The following MYO1D variants were observed in gnomAD, a reference collection of about 807,000 sequenced individuals.
MYO1D encodes the protein myosin ID, also known as unconventional myosin-Id.
A neutral mutation model predicts 122.0 loss-of-function variants in MYO1D; 83 were observed. That is an observed-to-expected ratio of 0.68 (90% CI 0.57 to 0.82). The LOEUF is 0.82. Ranked by LOEUF, MYO1D falls within the 40% of genes least tolerant of loss-of-function variation. MYO1D has a pLI of 0.00. For missense variants in MYO1D, 1,157 were observed against 1,269.5 expected, an observed-to-expected ratio of 0.91 and a Z score of 1.35; for synonymous variants, 464 against 446.9, an observed-to-expected ratio of 1.04 and a Z score of -0.48.
At chr17:32,564,539 T>C (rs1460672462) in intron 21 of MYO1D, among the ~76,000 whole-genome samples, 5 of 152,206 alleles carry the variant, frequency 3.3e-5, no homozygotes, top group Non-Finnish European at 5.9e-5. Context: ...CTGCTTTCCT[T>C]CCTTCCCTCT....
intron 14 of MYO1D, among the ~76,000 whole-genome samples, chr17:32,726,275 C>A (rs1393396530): frequency 6.6e-6 from 1 of 151,960 alleles, no homozygotes; most frequent in Non-Finnish European, 1.5e-5. Context: ...CAAAAATTAA[C>A]TGGGTGTGGT....
intron 1 of MYO1D, among the ~76,000 whole-genome samples, chr17:32,832,865 T>A (rs1284151577): frequency 6.6e-6 from 1 of 152,234 alleles, no homozygotes; most frequent in Non-Finnish European, 1.5e-5. Flanking sequence ...TTGGTACAAG[T>A]TGGCAGCTTA....
Position 32,653,928 on chromosome 17 carries a change from G to C in MYO1D, c.2510C>G (p.Thr837Ser), listed in dbSNP as rs893611229. 7.4e-6 allele frequency: 12 copies of C among 1,613,516 alleles called. No homozygotes were observed. The African/African-American group carries it at 1.6e-4, about 22-fold the overall frequency. The change falls in exon 19 of 22, where the codon ACC becomes AGC. Residue 837 changes from threonine to serine, a missense_variant. Coordinates refer to ENST00000318217, the MANE Select transcript of MYO1D (RefSeq NM_015194.3). ...YLASKPDTPQ[T>S]SGTFVPVANE... ...AGCAACAGGGACAAAAGTGCCTGAG[G>C]TCTGAGGTGTATCTGGCTTCTGAAA...
intron 1 of MYO1D, among the ~76,000 whole-genome samples, chr17:32,853,397 T>C (rs1718354637): frequency 6.6e-6 from 1 of 152,224 alleles, no homozygotes; most frequent in Non-Finnish European, 1.5e-5. Context: ...ATCTTTAGCA[T>C]AGGATTTGAT....
At chr17:32,663,545 T>C (rs1300103965) in intron 16 of MYO1D, among the ~76,000 whole-genome samples, 1 of 152,198 alleles carries the variant, frequency 6.6e-6, no homozygotes, top group Non-Finnish European at 1.5e-5. Flanking sequence ...TGGCTTGTTA[T>C]GGGGCCAAGT....
chr17:32,639,363 TTG>T (rs10674390), intron 19 of MYO1D, among the ~76,000 whole-genome samples: 2,438 of 128,208 alleles, frequency 0.019, 32 homozygotes, highest in African/African-American at 0.029. Flanking sequence ...GGGAGAAATT[TTG>T]TGTGTGTGTG....
intron 19 of MYO1D, among the ~76,000 whole-genome samples, chr17:32,651,489 C>T (rs1026285182): frequency 1.3e-5 from 2 of 152,252 alleles, no homozygotes; most frequent in Admixed American, 6.5e-5. Context: ...GGGCTTCCCC[C>T]ACTGCTCATC....
chr17:32,740,606 T>C (rs947062021), intron 13 of MYO1D, among the ~76,000 whole-genome samples: 1 of 152,098 alleles, frequency 6.6e-6, no homozygotes, highest in African/African-American at 2.4e-5. Context: ...GTCTCCCAAG[T>C]AGCTGGGACT....
At chr17:32,630,230 C>T (rs1283259276) in intron 20 of MYO1D, among the ~76,000 whole-genome samples, 1 of 152,108 alleles carries the variant, frequency 6.6e-6, no homozygotes, top group East Asian at 1.9e-4. Context: ...GTATTCAGAT[C>T]TGTTTCTTTC....
At chr17:32,613,511 C>T (rs1391155044) in intron 20 of MYO1D, among the ~76,000 whole-genome samples, 1 of 152,112 alleles carries the variant, frequency 6.6e-6, no homozygotes, top group Non-Finnish European at 1.5e-5. Context: ...TGCAGTGGCT[C>T]ACGCCTGTAA....
chr17:32,708,025 G>C (rs144945593), intron 16 of MYO1D, among the ~76,000 whole-genome samples: 1 of 152,246 alleles, frequency 6.6e-6, no homozygotes, highest in African/African-American at 2.4e-5. Context: ...ATTTTGCTTT[G>C]ATCCTCTCGC....
intron 21 of MYO1D, among the ~76,000 whole-genome samples, chr17:32,581,907 C>T (rs771312367): frequency 9.2e-5 from 14 of 151,876 alleles, no homozygotes; most frequent in Admixed American, 2.6e-4. Flanking sequence ...TGGGACTACA[C>T]GTGTGCACCA....
intron 21 of MYO1D, among the ~76,000 whole-genome samples, chr17:32,538,722 T>C (rs1440866565): frequency 6.6e-6 from 1 of 151,900 alleles, no homozygotes; most frequent in Non-Finnish European, 1.5e-5. Flanking sequence ...ATAGACCGGA[T>C]AAAGAAAATG....
chr17:32,570,475 C>G (rs2087214324), intron 21 of MYO1D, among the ~76,000 whole-genome samples: 1 of 152,058 alleles, frequency 6.6e-6, no homozygotes, highest in African/African-American at 2.4e-5. Context: ...TGCCATTCTC[C>G]TGCCTCAGCC....
In MYO1D at chr17:32,712,266, AAATGC is replaced by A. The variant is rs1275873457; in HGVS notation, c.1914-76_1914-72del. ...CATCTCAATAGAAAACTATTCAATA[AAATGC>A]AAGACACCTCATAGAAAACCAAATC... On this transcript the variant is annotated intron_variant, in intron 15 of 21. Transcript: ENST00000318217. 50 of 1,384,954 alleles carry A rather than the reference AAATGC, an allele frequency of 3.6e-5. No homozygotes were observed. The African/African-American group carries it at 5.6e-4, about 16-fold the overall frequency. The allele number at this position is 1,384,954 out of a possible 1,614,324, so 85.8% of individuals were successfully genotyped here.
At chr17:32,526,807 C>A (rs1363160749) in intron 21 of MYO1D, among the ~76,000 whole-genome samples, 1 of 152,174 alleles carries the variant, frequency 6.6e-6, no homozygotes, top group Non-Finnish European at 1.5e-5. Flanking sequence ...CGTGAGCTAC[C>A]GTGCCCAGCC....
intron 21 of MYO1D, among the ~76,000 whole-genome samples, chr17:32,534,089 T>C (rs1252518062): frequency 6.6e-6 from 1 of 152,236 alleles, no homozygotes; most frequent in African/African-American, 2.4e-5. Flanking sequence ...CTTAAATTTT[T>C]TCTTTATAAA....
intron 21 of MYO1D, among the ~76,000 whole-genome samples, chr17:32,588,920 G>C (rs1406862832): frequency 6.6e-6 from 1 of 151,898 alleles, no homozygotes; most frequent in Non-Finnish European, 1.5e-5. Flanking sequence ...TCCAGTCTGG[G>C]TGACAGAGCA....
chr17:32,527,223 C>T lies in MYO1D; in HGVS notation c.2865-32308G>A, dbSNP rs535925107. Among the ~76,000 whole-genome samples the T allele has an allele frequency of 2.0e-5, 3 of 152,294 alleles. No homozygotes were observed. In the South Asian group the frequency reaches 6.2e-4, roughly 32 times the overall value. On this transcript the variant is annotated intron_variant, in intron 21 of 21. Transcript: ENST00000318217. ...ATGGCCACATGAACAAGGTCACCAT[C>T]CAGAGAGGGGACTTCAGAAGAACAA...
Sources: allele counts gnomAD v4.1 joint callset (sites outside exome capture counted in the v4.1 genomes callset), GRCh38; gene constraint gnomAD v4.1.1; transcripts MANE v1.5; gene names NCBI Gene and HGNC (gene_info 2026-07-23, HGNC 2026-07-21).